CFAP53: variants seen among roughly 807,000 people sequenced by gnomAD.
CFAP53 encodes cilia and flagella associated protein 53.
In CFAP53, 62 loss-of-function variants were observed where a neutral mutation model predicts 59.7. The observed-to-expected ratio is 1.04, with a 90% CI of 0.85 to 1.28. The LOEUF (loss-of-function observed/expected upper bound fraction) is 1.28. CFAP53 is among the 50% of genes most tolerant of loss of function. CFAP53 has a pLI of 0.00. For missense variants in CFAP53, 629 were observed against 615.6 expected (o/e 1.02, Z -0.23); for synonymous variants, 218 against 205.7 (o/e 1.06, Z -0.51).
At position 50,243,752 on chromosome 18, in the gene CFAP53, C is replaced by A. The variant is rs571348016; in HGVS notation, c.997-636G>T. ...GGATCACGAGGTCAGGAGACTGAGA[C>A]CATCCTGGCTAACATGGTGAAACCC... is the stretch of plus-strand genomic sequence containing the variant. On this transcript the variant is annotated intron_variant, in intron 5 of 7. Transcript: ENST00000398545. Among the ~76,000 whole-genome samples the A allele has an allele frequency of 3.9e-5, 6 of 152,132 alleles. No individual in the cohort carries two copies. In the South Asian group the frequency reaches 1.2e-3, roughly 32 times the overall value.
At chr18:50,262,849 G>A (rs1310920804) in intron 1 of CFAP53, among the ~76,000 whole-genome samples, 1 of 151,930 alleles carries the variant, frequency 6.6e-6, no homozygotes, top group Non-Finnish European at 1.5e-5. Flanking sequence ...AGAGAGGAGG[G>A]AAAAGAAAAA....
chr18:50,261,252 CAAAAAAAAAAAAA>C lies in CFAP53; in HGVS notation c.300-28_300-16del. 8.2e-7 allele frequency: 1 copy of C among 1,214,576 alleles called. No homozygotes were observed. Among genetic ancestry groups the C allele is most frequent in the Non-Finnish European group, 1.0e-6 (1 of 962,046 alleles). 75.2% of individuals were successfully genotyped at this position (1,214,576 alleles called of 1,614,324 possible). On this transcript the variant is annotated splice_polypyrimidine_tract_variant and intron_variant, in intron 2 of 7. Coordinates refer to ENST00000398545, the MANE Select transcript of CFAP53 (RefSeq NM_145020.5). ...GCTCACGTAGCCTGAAACAAAAAGC[CAAAAAAAAAAAAA>C]AAAAAAGAAAACTGTCATGCTACAT... is the stretch of plus-strand genomic sequence containing the variant.
rs778888775 is a variant in CFAP53 at position 50,261,102 on chromosome 18, C to T, written c.435G>A (p.Arg145=). The change falls in exon 3 of 8, where the codon AGG becomes AGA. Residue 145 remains arginine, a synonymous_variant. Coordinates refer to ENST00000398545, the MANE Select transcript of CFAP53 (RefSeq NM_145020.5). ...CTAGCTTTTCAGCCACAAAATCCTG[C>T]CTCTCTTTTTCATTCTTCTCTTTTA... The part of the protein sequence containing the change: ...KLLKEKNEKE[R]QDFVAEKLDQ... 88 of 1,600,932 alleles carry T rather than the reference C, an allele frequency of 5.5e-5. No individual in the cohort carries two copies. Among genetic ancestry groups the T allele is most frequent in the Non-Finnish European group, 7.4e-5 (87 of 1,176,888 alleles).
intron 7 of CFAP53, among the ~76,000 whole-genome samples, chr18:50,236,782 G>A (rs957274362): frequency 7.9e-5 from 12 of 152,166 alleles, no homozygotes; most frequent in Admixed American, 6.5e-4. Context: ...GACATGAGAT[G>A]TTCCGAGCAA....
chr18:50,234,082 G>T (rs2033607834), intron 7 of CFAP53, among the ~76,000 whole-genome samples: 1 of 152,132 alleles, frequency 6.6e-6, no homozygotes, highest in African/African-American at 2.4e-5. Context: ...CTTTCCTAGG[G>T]TGTTTAACAT....
rs769199660 is a variant in CFAP53, at chr18:50,250,759, CTT to C, written c.993_994del (p.Glu333ArgfsTer11). Reference sequence around the variant, plus strand: ...GCAGGCACCAAAAAAATGTCTTACTCTTTTTTGTTTCTTTTTATCTGCCTCTT... The same window carrying C: ...GCAGGCACCAAAAAAATGTCTTACTCTTTTGTTTCTTTTTATCTGCCTCTT... On this transcript the variant is annotated frameshift_variant and splice_region_variant, in exon 5 of 8. Coordinates refer to ENST00000398545, the MANE Select transcript of CFAP53 (RefSeq NM_145020.5). LOFTEE classifies it high-confidence loss of function. 1.2e-6 allele frequency: 2 copies of C among 1,613,238 alleles called. No individual in the cohort carries two copies. The highest frequency in any genetic ancestry group is 1.7e-5 in the Admixed American group (1 of 59,984).
intron 1 of CFAP53, 40 bp downstream of exon 1, chr18:50,266,296 G>A: frequency 6.2e-7 from 1 of 1,603,552 alleles, no homozygotes; most frequent in Non-Finnish European, 8.5e-7. Context: ...CGGAGAGATG[G>A]AGAAAGCTGT....
chr18:50,240,676 G>A (rs1478424803), intron 6 of CFAP53, among the ~76,000 whole-genome samples: 2 of 152,138 alleles, frequency 1.3e-5, no homozygotes, highest in African/African-American at 4.8e-5. Flanking sequence ...CATCACTGAC[G>A]AATATAAAAA....
At chr18:50,240,712 G>A (rs561538038) in intron 6 of CFAP53, among the ~76,000 whole-genome samples, 52 of 152,256 alleles carry the variant, frequency 3.4e-4, no homozygotes, top group African/African-American at 9.4e-4. Flanking sequence ...AACTTTCTAC[G>A]CAGTTTCTAA....
At chr18:50,253,913 C>G (rs1432305081) in intron 3 of CFAP53, among the ~76,000 whole-genome samples, 1 of 152,098 alleles carries the variant, frequency 6.6e-6, no homozygotes, top group Non-Finnish European at 1.5e-5. Context: ...AAAACAAACC[C>G]TCGAAATGCC....
chr18:50,247,436 C>CTAACTAGT (rs2033755713), intron 5 of CFAP53, among the ~76,000 whole-genome samples: 1 of 152,152 alleles, frequency 6.6e-6, no homozygotes, highest in African/African-American at 2.4e-5. Flanking sequence ...CCGTATGGCC[C>CTAACTAGT]AGTAGTACTA....
chr18:50,254,478 C>T (rs561940675), intron 3 of CFAP53, among the ~76,000 whole-genome samples: 123 of 152,242 alleles, frequency 8.1e-4, no homozygotes, highest in Admixed American at 1.4e-3. Flanking sequence ...AAAACAATAA[C>T]GCCACTACCA....
At chr18:50,244,790 G>T (rs2033726495) in intron 5 of CFAP53, among the ~76,000 whole-genome samples, 1 of 152,136 alleles carries the variant, frequency 6.6e-6, no homozygotes, top group Non-Finnish European at 1.5e-5. Context: ...GCCAGGCATG[G>T]TGGCTCATGC....
At chr18:50,239,802 A>G (rs1044852817) in intron 6 of CFAP53, among the ~76,000 whole-genome samples, 1 of 152,256 alleles carries the variant, frequency 6.6e-6, no homozygotes, top group African/African-American at 2.4e-5. Context: ...TTATATATGT[A>G]GTAAAAATAC....
chr18:50,243,080 AT>A lies in CFAP53; in HGVS notation c.1032del (p.Lys344AsnfsTer21). On this transcript the variant is annotated frameshift_variant, in exon 6 of 8. Transcript: ENST00000398545. LOFTEE classifies it high-confidence loss of function. ...TCTTCCTCACGTCTCTGTGCCAAAT[AT>A]TTATGGTATATCTTCTGTTCTCTTA... ...DMIREQKIYH[K>X]YLAQRREEEK... 6.2e-7 allele frequency: 1 copy of A among 1,613,084 alleles called. No homozygotes were observed.
chr18:50,250,509 T>A lies in CFAP53; in HGVS notation c.996+249A>T, dbSNP rs147849231. 1.4e-4 allele frequency among the ~76,000 whole-genome samples: 21 copies of A among 152,300 alleles called. No individual in the cohort carries two copies. The East Asian group carries it at 3.5e-3, about 25-fold the overall frequency. On this transcript the variant is annotated intron_variant, in intron 5 of 7. Transcript: ENST00000398545. ...AGGAGTTCTCAAACTTTAGTTAGCA[T>A]CAGAATCACCTGGGGGAGTGTGCTG... is the stretch of plus-strand genomic sequence containing the variant.
chr18:50,251,150 G>A (rs2144422691), intron 4 of CFAP53, among the ~76,000 whole-genome samples, 174 bp from the exon 5 acceptor site: 1 of 152,350 alleles, frequency 6.6e-6, no homozygotes, highest in South Asian at 2.1e-4. Context: ...CAATAAAACT[G>A]TGAAAATTGC....
intron 7 of CFAP53, among the ~76,000 whole-genome samples, chr18:50,233,841 A>C (rs2033605558): frequency 6.6e-6 from 1 of 152,196 alleles, no homozygotes; most frequent in South Asian, 2.1e-4. Context: ...CAAGCCTGAT[A>C]CTCTGGATTC....
chr18:50,264,286 G>C (rs1400643001), intron 1 of CFAP53, among the ~76,000 whole-genome samples: 1 of 152,150 alleles, frequency 6.6e-6, no homozygotes, highest in Non-Finnish European at 1.5e-5. Flanking sequence ...GTCACTGAAG[G>C]CTGTTATTGT....
Sources: allele counts gnomAD v4.1 joint callset (sites outside exome capture counted in the v4.1 genomes callset), GRCh38; gene constraint gnomAD v4.1.1; transcripts MANE v1.5; gene names NCBI Gene and HGNC (gene_info 2026-07-23, HGNC 2026-07-21).